Variants in CNTNAP2 observed in about 807,000 individuals in gnomAD.
CNTNAP2 encodes contactin associated protein 2.
A neutral mutation model predicts 155.2 loss-of-function variants in CNTNAP2; 98 were observed. The observed-to-expected ratio is 0.63, with a 90% CI of 0.54 to 0.75. The LOEUF is 0.75. CNTNAP2 is among the 30% of genes least tolerant of loss of function. The pLI, the probability that CNTNAP2 is intolerant of heterozygous loss-of-function variation, is 0.00. For missense variants in CNTNAP2, 1,727 were observed against 1,688.1 expected (o/e 1.02, Z -0.40); for synonymous variants, 651 against 631.2 (o/e 1.03, Z -0.47).
intron 3 of CNTNAP2, among the ~76,000 whole-genome samples, chr7:146,853,802 A>G (rs935118032): frequency 1.3e-5 from 2 of 152,162 alleles, no homozygotes; most frequent in Non-Finnish European, 2.9e-5. Flanking sequence ...TGACTATTGA[A>G]TGTATTTAGT....
intron 8 of CNTNAP2, among the ~76,000 whole-genome samples, chr7:147,263,216 T>C (rs557133659): frequency 6.6e-6 from 1 of 151,996 alleles, no homozygotes; most frequent in East Asian, 1.9e-4. Context: ...GGCATGGTAG[T>C]GTGGTGATAC....
chr7:147,150,965 G>A (rs890832116), intron 8 of CNTNAP2, among the ~76,000 whole-genome samples: 4 of 152,146 alleles, frequency 2.6e-5, no homozygotes, highest in African/African-American at 7.2e-5. Flanking sequence ...GAAACAGAAA[G>A]CTCAGAACTA....
chr7:148,199,297 A>T (rs1463433705), intron 18 of CNTNAP2, among the ~76,000 whole-genome samples: 1 of 152,330 alleles, frequency 6.6e-6, no homozygotes, highest in East Asian at 1.9e-4. Flanking sequence ...TCCACGTATT[A>T]TCTCCCCAGA....
intron 8 of CNTNAP2, among the ~76,000 whole-genome samples, chr7:147,182,588 T>C (rs1343897460): frequency 6.6e-6 from 1 of 152,058 alleles, no homozygotes; most frequent in Non-Finnish European, 1.5e-5. Context: ...TAAACTCTAC[T>C]CATTGCCTTA....
At chr7:147,772,398 T>TA (rs58669585) in intron 13 of CNTNAP2, among the ~76,000 whole-genome samples, 13 of 118,118 alleles carry the variant, frequency 1.1e-4, no homozygotes, top group Admixed American at 6.9e-4. Context: ...ACACTTTGTC[T>TA]AAAAAAAAAA....
At chr7:146,621,337 A>G (rs952965145) in intron 1 of CNTNAP2, among the ~76,000 whole-genome samples, 3 of 152,162 alleles carry the variant, frequency 2.0e-5, no homozygotes, top group African/African-American at 4.8e-5. Context: ...TAGTGAGCCA[A>G]TATGCATATA....
chr7:147,538,186 C>CA (rs1202640876), intron 11 of CNTNAP2, among the ~76,000 whole-genome samples: 1 of 152,038 alleles, frequency 6.6e-6, no homozygotes, highest in Non-Finnish European at 1.5e-5. Flanking sequence ...TCAAGGTGGC[C>CA]AAAAAATCAA....
At chr7:146,358,861 T>G (rs777271659) in intron 1 of CNTNAP2, among the ~76,000 whole-genome samples, 4 of 152,194 alleles carry the variant, frequency 2.6e-5, no homozygotes, top group Admixed American at 2.6e-4. Flanking sequence ...TGCTGGGTTA[T>G]GAGGCTGGAG....
At chr7:146,556,240 T>G (rs1048652800) in intron 1 of CNTNAP2, among the ~76,000 whole-genome samples, 2 of 152,170 alleles carry the variant, frequency 1.3e-5, no homozygotes, top group African/African-American at 4.8e-5. Context: ...TCCTTAAAAG[T>G]ACTTAGAATA....
intron 13 of CNTNAP2, among the ~76,000 whole-genome samples, chr7:147,732,690 C>T (rs1475608013): frequency 6.6e-6 from 1 of 152,194 alleles, no homozygotes; most frequent in African/African-American, 2.4e-5. Context: ...ACATCTTCTC[C>T]AGCACCTGCT....
intron 15 of CNTNAP2, among the ~76,000 whole-genome samples, chr7:147,996,870 T>C (rs1801811835): frequency 6.6e-6 from 1 of 152,240 alleles, no homozygotes; most frequent in South Asian, 2.1e-4. Context: ...GGTCTGTTTT[T>C]GTCTTTCCAA....
intron 15 of CNTNAP2, among the ~76,000 whole-genome samples, chr7:148,082,836 G>A (rs190905088): frequency 1.8e-3 from 281 of 152,118 alleles, no homozygotes; most frequent in African/African-American, 6.3e-3. Flanking sequence ...GTGCCACCAC[G>A]CCCAGCTAAT....
Position 147,294,138 on chromosome 7 carries a change from G to A in CNTNAP2, c.1349-6003G>A, listed in dbSNP as rs779416010. 3.3e-4 allele frequency among the ~76,000 whole-genome samples: 50 copies of A among 152,140 alleles called. 1 individual carries two copies. The highest frequency in any genetic ancestry group is 2.1e-4 in the South Asian group (1 of 4,822). ...CAGCCTCTTATGGGGCAAGCTCCAC[G>A]TGTGCCTGAATATATTATGACCCCA... is the stretch of plus-strand genomic sequence containing the variant. On this transcript the variant is annotated intron_variant, in intron 8 of 23. Transcript: ENST00000361727.
At chr7:148,152,970 G>T (rs188678495) in intron 17 of CNTNAP2, among the ~76,000 whole-genome samples, 9 of 132,206 alleles carry the variant, frequency 6.8e-5, no homozygotes, top group Non-Finnish European at 9.2e-5. Context: ...GCAGTGAGCC[G>T]AGATCGCGCC....
At position 147,583,578 on chromosome 7, in the gene CNTNAP2, C is replaced by T. The variant is rs1173672785; in HGVS notation, c.1897+21321C>T. Among the ~76,000 whole-genome samples the T allele has an allele frequency of 2.7e-5, 4 of 145,664 alleles. No homozygotes were observed. In the East Asian group the frequency reaches 8.2e-4, roughly 30 times the overall value. ...AGTTCTTTCTGACTTACAAATCAAT[C>T]CATCTCATATAGGTTAGTTTACATT... is the stretch of plus-strand genomic sequence containing the variant. On this transcript the variant is annotated intron_variant, in intron 12 of 23. Transcript: ENST00000361727.
chr7:147,643,328 A>G (rs1319364911), intron 13 of CNTNAP2: 5 of 152,194 alleles, frequency 3.3e-5, no homozygotes, highest in African/African-American at 4.8e-5. Flanking sequence ...AATATCGTAA[A>G]GTGAATTTCA....
At chr7:146,182,660 A>G (rs1392919598) in intron 1 of CNTNAP2, among the ~76,000 whole-genome samples, 1 of 152,180 alleles carries the variant, frequency 6.6e-6, no homozygotes, top group Non-Finnish European at 1.5e-5. Context: ...GGCACAGCAG[A>G]TTAATCCTTT....
At chr7:147,398,143 C>T (rs1470886901) in intron 10 of CNTNAP2, among the ~76,000 whole-genome samples, 1 of 151,980 alleles carries the variant, frequency 6.6e-6, no homozygotes, top group South Asian at 2.1e-4. Flanking sequence ...GATGATATCA[C>T]CCTTAATCTG....
chr7:147,056,671 C>A (rs1799567432), intron 4 of CNTNAP2, among the ~76,000 whole-genome samples: 1 of 152,168 alleles, frequency 6.6e-6, no homozygotes, highest in African/African-American at 2.4e-5. Context: ...ATTTTTGCAA[C>A]AAAACCTACC....
Sources: allele counts gnomAD v4.1 joint callset (sites outside exome capture counted in the v4.1 genomes callset), GRCh38; gene constraint gnomAD v4.1.1; transcripts MANE v1.5; gene names NCBI Gene and HGNC (gene_info 2026-07-23, HGNC 2026-07-21).